CDH12: variants seen among roughly 807,000 people sequenced by gnomAD.
CDH12 encodes the protein cadherin 12, also known as cadherin-12.
CDH12 carries 41 observed loss-of-function variants against 74.1 expected under a neutral mutation model. The ratio of observed to expected loss-of-function variants is 0.55; its 90% CI spans 0.43 to 0.72. The LOEUF is 0.72. Ranked by LOEUF, CDH12 falls within the 30% of genes least tolerant of loss-of-function variation. The pLI is 0.00. For missense variants in CDH12, 945 were observed against 977.2 expected, an observed-to-expected ratio of 0.97 and a Z score of 0.44; for synonymous variants, 399 against 355.0, an observed-to-expected ratio of 1.12 and a Z score of -1.39.
intron 1 of CDH12, among the ~76,000 whole-genome samples, chr5:22,604,756 C>T (rs1737014281): frequency 6.6e-6 from 1 of 152,200 alleles, no homozygotes; most frequent in African/African-American, 2.4e-5. Flanking sequence ...CTGTTGTGCT[C>T]ACCCACCTGG....
At chr5:22,545,181 C>A (rs1158968100) in intron 1 of CDH12, among the ~76,000 whole-genome samples, 1 of 152,096 alleles carries the variant, frequency 6.6e-6, no homozygotes, top group Non-Finnish European at 1.5e-5. Flanking sequence ...ACACTTAAAC[C>A]AATGTAGTTC....
chr5:22,656,969 TG>T (rs1455831725), intron 1 of CDH12, among the ~76,000 whole-genome samples: 1 of 152,062 alleles, frequency 6.6e-6, no homozygotes, highest in Non-Finnish European at 1.5e-5. Flanking sequence ...CCTGAGTAGC[TG>T]GGATCATAGG....
intron 4 of CDH12, among the ~76,000 whole-genome samples, chr5:22,181,190 C>A (rs1372508539): frequency 6.6e-6 from 1 of 152,140 alleles, no homozygotes; most frequent in Admixed American, 6.5e-5. Context: ...CCTTCAAATT[C>A]CTACTACTTG....
At chr5:22,784,996 A>G (rs1747553799) in intron 1 of CDH12, among the ~76,000 whole-genome samples, 1 of 152,114 alleles carries the variant, frequency 6.6e-6, no homozygotes, top group African/African-American at 2.4e-5. Flanking sequence ...AAATTTAATG[A>G]TCCTTGGCAT....
chr5:22,682,629 G>C (rs1741554921), intron 1 of CDH12, among the ~76,000 whole-genome samples: 1 of 151,898 alleles, frequency 6.6e-6, no homozygotes, highest in Non-Finnish European at 1.5e-5. Flanking sequence ...TTTTTTGTCT[G>C]TCTAAAGTGG....
At chr5:22,780,520 G>A (rs1003431858) in intron 1 of CDH12, among the ~76,000 whole-genome samples, 2 of 152,144 alleles carry the variant, frequency 1.3e-5, no homozygotes, top group Admixed American at 6.6e-5. Flanking sequence ...TCAGGAAGGA[G>A]AAGTACAGAG....
intron 4 of CDH12, among the ~76,000 whole-genome samples, chr5:22,154,940 G>C (rs1383714027): frequency 6.6e-6 from 1 of 152,050 alleles, no homozygotes; most frequent in Non-Finnish European, 1.5e-5. Context: ...TTGGCTCAAA[G>C]GCCCCTCAGA....
At chr5:22,776,511 G>A (rs11960828) in intron 1 of CDH12, among the ~76,000 whole-genome samples, 6,310 of 152,106 alleles carry the variant, frequency 0.041, 429 homozygotes, top group African/African-American at 0.14. Context: ...TGATAATTGC[G>A]TACACAGAGC....
chr5:22,622,295 T>C (rs984866829), intron 1 of CDH12, among the ~76,000 whole-genome samples: 6 of 139,722 alleles, frequency 4.3e-5, no homozygotes, highest in African/African-American at 1.5e-4. Flanking sequence ...CATCCCCTAC[T>C]GAAAAATAGG....
At chr5:22,812,257 AG>A (rs1749187477) in intron 1 of CDH12, among the ~76,000 whole-genome samples, 1 of 152,164 alleles carries the variant, frequency 6.6e-6, no homozygotes, top group Non-Finnish European at 1.5e-5. Flanking sequence ...TACAGGTGCT[AG>A]TATAAGGATT....
At chr5:22,474,398 C>A (rs1485457930) in intron 2 of CDH12, among the ~76,000 whole-genome samples, 1 of 152,112 alleles carries the variant, frequency 6.6e-6, no homozygotes, top group Admixed American at 6.6e-5. Context: ...GAATGATTCT[C>A]ATCGGAGTGG....
chr5:22,244,110 C>A (rs149952871), intron 3 of CDH12, among the ~76,000 whole-genome samples: 1 of 152,074 alleles, frequency 6.6e-6, no homozygotes, highest in East Asian at 1.9e-4. Context: ...AAATGCATCC[C>A]TAATCTCATG....
chr5:22,698,741 T>TATATATA (rs1561586190), intron 1 of CDH12, among the ~76,000 whole-genome samples: 2 of 35,582 alleles, frequency 5.6e-5, no homozygotes, highest in Non-Finnish European at 1.1e-4. Flanking sequence ...ATATAGTGTG[T>TATATATA]GTGTGTGTGT....
chr5:22,562,282 A>T (rs1022247844), intron 1 of CDH12, among the ~76,000 whole-genome samples: 2 of 152,130 alleles, frequency 1.3e-5, no homozygotes, highest in Non-Finnish European at 2.9e-5. Flanking sequence ...CCGCCACTGC[A>T]CTCCAGCCTG....
At chr5:22,112,256 C>A (rs541177563) in intron 4 of CDH12, among the ~76,000 whole-genome samples, 2 of 152,038 alleles carry the variant, frequency 1.3e-5, no homozygotes, top group Admixed American at 1.3e-4. Context: ...TGCTTTTTCC[C>A]TAGGACAAGG....
intron 2 of CDH12, among the ~76,000 whole-genome samples, chr5:22,458,562 G>A (rs780461523): frequency 3.3e-5 from 5 of 152,148 alleles, no homozygotes; most frequent in Non-Finnish European, 7.3e-5. Flanking sequence ...TTAGCTGAAA[G>A]GCCAACAATT....
intron 3 of CDH12, among the ~76,000 whole-genome samples, chr5:22,335,580 A>T (rs1477826754): frequency 6.6e-6 from 1 of 150,984 alleles, no homozygotes; most frequent in Non-Finnish European, 1.5e-5. Context: ...GTAAGACTCC[A>T]TCTCAAAAGA....
At chr5:21,755,570 A>C (rs376113295) in intron 14 of CDH12, 21 bp downstream of exon 14, 20 of 1,598,598 alleles carry the variant, frequency 1.3e-5, no homozygotes, top group Non-Finnish European at 1.6e-5. Flanking sequence ...AAAATTAACA[A>C]TGATTAATAT....
chr5:22,022,673 A>G (rs1166130626), intron 5 of CDH12, among the ~76,000 whole-genome samples: 1 of 152,142 alleles, frequency 6.6e-6, no homozygotes, highest in Admixed American at 6.6e-5. Context: ...TAGATCTAAG[A>G]CATTTAAATA....
Sources: gnomAD v4.1 joint callset for allele counts (sites outside exome capture counted in the v4.1 genomes callset) on GRCh38, gnomAD v4.1.1 for gene constraint, MANE v1.5 for transcripts, NCBI Gene and HGNC (gene_info 2026-07-23, HGNC 2026-07-21) for gene names.